The following PAN3 variants were observed in gnomAD, a reference collection of about 807,000 sequenced individuals.
The protein encoded by PAN3 is PAN2-PAN3 deadenylation complex subunit PAN3.
PAN3 carries 19 observed loss-of-function variants against 96.2 expected under a neutral mutation model. The observed-to-expected ratio is 0.20, with a 90% confidence interval of 0.14 to 0.29. The LOEUF (loss-of-function observed/expected upper bound fraction) is 0.29. PAN3 is among the 10% of genes least tolerant of loss of function. The probability of loss-of-function intolerance (pLI) is 1.00; values close to 1 mark genes in which losing one functional copy is unlikely to be tolerated. For missense variants in PAN3, 882 were observed against 1,108.1 expected, an observed-to-expected ratio of 0.80 and a Z score of 2.90; for synonymous variants, 433 against 406.6, an observed-to-expected ratio of 1.06 and a Z score of -0.78.
rs115196114 is a variant in PAN3, at chr13:28,291,187, G to T, written c.2524-1195G>T. 1.9e-3 allele frequency among the ~76,000 whole-genome samples: 291 copies of T among 150,994 alleles called. 1 individual carries two copies. The highest frequency in any genetic ancestry group is 6.5e-3 in the African/African-American group (263 of 40,396). ...TTTGGTAGAAATAATGACAGAAATT[G>T]TCTGGTAAATGATTTGAATGTTTGA... On this transcript the variant is annotated intron_variant, in intron 18 of 18. Coordinates refer to ENST00000380958, the MANE Select transcript of PAN3 (RefSeq NM_175854.8).
chr13:28,187,819 A>G (rs1876687734), intron 4 of PAN3, among the ~76,000 whole-genome samples: 3 of 151,948 alleles, frequency 2.0e-5, no homozygotes, highest in South Asian at 2.1e-4. Context: ...CATCTACCCA[A>G]CTTAGCTGGG....
intron 6 of PAN3, among the ~76,000 whole-genome samples, chr13:28,228,336 A>AG (rs1232949452): frequency 1.3e-5 from 2 of 152,182 alleles, no homozygotes; most frequent in Non-Finnish European, 2.9e-5. Context: ...TAGGGCATGT[A>AG]GGTAGGGTCT....
chr13:28,258,810 T>A lies in PAN3; in HGVS notation c.1249-1637T>A, dbSNP rs142446104. The stretch of plus-strand genomic sequence containing the variant: ...GGGTGCTCAAGTCCCTGATATAGAA[T>A]GACATAGTATTTGCATAGATCTTAT... On this transcript the variant is annotated intron_variant, in intron 7 of 18. Transcript: ENST00000380958. Among the ~76,000 whole-genome samples the A allele has an allele frequency of 1.8e-4, 28 of 152,300 alleles. 1 individual carries two copies. Among genetic ancestry groups the A allele is most frequent in the African/African-American group, 6.3e-4 (26 of 41,544 alleles).
At chr13:28,263,980 G>T (rs558515987) in intron 9 of PAN3, among the ~76,000 whole-genome samples, 32 of 152,040 alleles carry the variant, frequency 2.1e-4, no homozygotes, top group Admixed American at 9.2e-4. Flanking sequence ...CCCTTCCCGC[G>T]TAACATTTGT....
upstream of PAN3, chr13:28,138,476 C>T (rs1869071920): frequency 7.9e-6 from 2 of 254,094 alleles, no homozygotes; most frequent in African/African-American, 2.3e-5. Flanking sequence ...TCCTTCTACC[C>T]CCTCCTCCCT....
chr13:28,248,580 A>G (rs1884426354), intron 6 of PAN3, among the ~76,000 whole-genome samples: 1 of 152,006 alleles, frequency 6.6e-6, no homozygotes. Context: ...ACCGGAGTTC[A>G]GTGGTGCAAT....
At position 28,293,387 on chromosome 13, in the gene PAN3, G is replaced by GTTGTTT. The variant is rs1869988478; in HGVS notation, c.*867_*868insGTTTTT. On this transcript the variant is annotated 3_prime_UTR_variant, in exon 19 of 19. Coordinates refer to ENST00000380958, the MANE Select transcript of PAN3 (RefSeq NM_175854.8). ...ACTTTAGGTTCTTTCCAGTTTGCTG[G>GTTGTTT]TTTTTTTTTTTTTTTTTTTTTTTTT... The GTTGTTT allele has an allele frequency of 9.4e-5, 2 of 21,356 alleles. No individual in the cohort carries two copies. Among genetic ancestry groups the GTTGTTT allele is most frequent in the African/African-American group, 4.0e-4 (2 of 4,970 alleles). The allele number at this position is 21,356 out of a possible 1,614,324, so 1.3% of individuals were successfully genotyped here.
chr13:28,244,202 C>CT (rs1883959756), intron 6 of PAN3, among the ~76,000 whole-genome samples: 1 of 152,018 alleles, frequency 6.6e-6, no homozygotes, highest in Non-Finnish European at 1.5e-5. Flanking sequence ...TTGCAGGTAT[C>CT]TTTTTTTGTT....
chr13:28,235,358 T>G (rs1036719468), intron 6 of PAN3, among the ~76,000 whole-genome samples: 2 of 152,236 alleles, frequency 1.3e-5, no homozygotes, highest in East Asian at 3.8e-4. Context: ...CTTTCTTTTC[T>G]GATTAAATGG....
intron 5 of PAN3, among the ~76,000 whole-genome samples, chr13:28,208,850 A>G (rs1489198400): frequency 6.6e-6 from 1 of 152,172 alleles, no homozygotes. Flanking sequence ...TTCAGCGATG[A>G]TATGCAAATG....
chr13:28,246,638 A>G (rs553956265), intron 6 of PAN3, among the ~76,000 whole-genome samples: 13 of 152,206 alleles, frequency 8.5e-5, no homozygotes, highest in East Asian at 7.7e-4. Context: ...TATGAGATCT[A>G]CTTTCTAAGC....
At chr13:28,190,466 C>T (rs1877106786) in intron 4 of PAN3, among the ~76,000 whole-genome samples, 1 of 151,992 alleles carries the variant, frequency 6.6e-6, no homozygotes, top group Non-Finnish European at 1.5e-5. Flanking sequence ...ACTATGTTGC[C>T]CAGGTTGGTC....
intron 4 of PAN3, among the ~76,000 whole-genome samples, chr13:28,191,003 G>C (rs939342473): frequency 6.6e-6 from 1 of 152,184 alleles, no homozygotes; most frequent in Admixed American, 6.5e-5. Context: ...GACTGGTCAG[G>C]CTATCAAGAA....
intron 1 of PAN3, among the ~76,000 whole-genome samples, chr13:28,141,475 T>C (rs1475121049): frequency 1.4e-5 from 2 of 142,758 alleles, no homozygotes; most frequent in Non-Finnish European, 3.1e-5. Context: ...TTTTTTTTTT[T>C]TTTTTTTTTG....
Position 28,248,114 on chromosome 13 carries a change from G to A in PAN3, c.1001-8178G>A, listed in dbSNP as rs537280114. 2.0e-5 allele frequency among the ~76,000 whole-genome samples: 3 copies of A among 152,010 alleles called. No homozygotes were observed. In the South Asian group the frequency reaches 6.2e-4, roughly 32 times the overall value. On this transcript the variant is annotated intron_variant, in intron 6 of 18. Transcript: ENST00000380958. The stretch of plus-strand genomic sequence containing the variant: ...TCTTTCATCAGTGTTTTATAGTTTT[G>A]CTTGTAGAGATCTTTCACTTCTTTG...
chr13:28,254,603 TTTAA>T (rs769948626), intron 6 of PAN3, among the ~76,000 whole-genome samples: 83 of 152,332 alleles, frequency 5.4e-4, no homozygotes, highest in Admixed American at 3.0e-3. Flanking sequence ...TGGATTAACC[TTTAA>T]TTAACTGTAC....
intron 6 of PAN3, among the ~76,000 whole-genome samples, chr13:28,254,340 G>C (rs1884972093): frequency 6.6e-6 from 1 of 152,186 alleles, no homozygotes; most frequent in African/African-American, 2.4e-5. Flanking sequence ...GTGGTTGTGA[G>C]GATTAAGTAG....
chr13:28,235,722 C>CACACACACATAT (rs763204992), intron 6 of PAN3, among the ~76,000 whole-genome samples: 14 of 148,952 alleles, frequency 9.4e-5, no homozygotes, highest in African/African-American at 3.5e-4. Context: ...CACACACACA[C>CACACACACATAT]ATATATATAT....
intron 1 of PAN3, among the ~76,000 whole-genome samples, chr13:28,149,117 G>C (rs1871050040): frequency 6.6e-6 from 1 of 151,998 alleles, no homozygotes; most frequent in South Asian, 2.1e-4. Context: ...TACTTTGGAA[G>C]GCCGAGACAG....
Sources: gnomAD v4.1 joint callset for allele counts (sites outside exome capture counted in the v4.1 genomes callset) on GRCh38, gnomAD v4.1.1 for gene constraint, MANE v1.5 for transcripts, NCBI Gene and HGNC (gene_info 2026-07-23, HGNC 2026-07-21) for gene names.